The following SHPRH variants were observed in gnomAD, a reference collection of about 807,000 sequenced individuals.
SHPRH encodes SNF2 histone linker PHD RING helicase.
Under a neutral mutation model 202.5 loss-of-function variants are expected in SHPRH, and 106 were observed. The ratio of observed to expected loss-of-function variants is 0.52; its 90% CI spans 0.45 to 0.62. SHPRH has a LOEUF of 0.62. SHPRH is among the 20% of genes least tolerant of loss of function. SHPRH has a pLI of 0.00. For synonymous variants in SHPRH, 729 were observed against 686.0 expected, an observed-to-expected ratio of 1.06 and a Z score of -0.98; for missense variants, 1,710 against 2,020.0, an observed-to-expected ratio of 0.85 and a Z score of 2.94.
At position 145,929,296 on chromosome 6, in the gene SHPRH, C is replaced by T. The variant is rs532293191; in HGVS notation, c.3113-2019G>A. Reference sequence around the variant, plus strand: ...TTGATATTGTCAAGCTAATTTTCTCCGAAAATCATCTGCAGAAAACACAAT... The same window carrying T: ...TTGATATTGTCAAGCTAATTTTCTCTGAAAATCATCTGCAGAAAACACAAT... On this transcript the variant is annotated intron_variant, in intron 14 of 29. Transcript: ENST00000275233. 6.6e-5 allele frequency among the ~76,000 whole-genome samples: 10 copies of T among 151,758 alleles called. No homozygotes were observed. In the South Asian group the frequency reaches 1.2e-3, roughly 19 times the overall value.
chr6:145,901,562 A>G (rs1782508236), intron 25 of SHPRH, among the ~76,000 whole-genome samples: 1 of 152,154 alleles, frequency 6.6e-6, no homozygotes, highest in South Asian at 2.1e-4. Context: ...CAGTATGAAC[A>G]TTCTCAAGAC....
chr6:145,915,836 A>G (rs1362069641), intron 23 of SHPRH, among the ~76,000 whole-genome samples: 1 of 151,498 alleles, frequency 6.6e-6, no homozygotes, highest in African/African-American at 2.4e-5. Context: ...TATTCTGCTT[A>G]GTGTTTCTGA....
At chr6:145,954,620 A>C in intron 2 of SHPRH, 70 bp downstream of exon 2, 1 of 1,481,254 alleles carries the variant, frequency 6.8e-7, no homozygotes, top group East Asian at 2.3e-5. Flanking sequence ...GACTTCTCTC[A>C]CAAGTTAATT....
At chr6:145,940,378 C>A (rs1476357513) in intron 11 of SHPRH, among the ~76,000 whole-genome samples, 1 of 148,310 alleles carries the variant, frequency 6.7e-6, no homozygotes, top group East Asian at 2.0e-4. Context: ...CCACCCCCCC[C>A]ACCCTTTGTT....
rs1784717837 is a variant in SHPRH at position 145,924,741 on chromosome 6, T to C, written c.3400A>G (p.Lys1134Glu). The C allele has an allele frequency of 1.2e-6, 2 of 1,611,094 alleles. No homozygotes were observed. The highest frequency in any genetic ancestry group is 4.5e-5 in the East Asian group (2 of 44,802). ...AGAAACACTGCATTTTGGCATACCTTTCTTTGAAGCTCATGGATGGTCTGC... is the reference window on the plus strand; with the variant it reads ...AGAAACACTGCATTTTGGCATACCTCTCTTTGAAGCTCATGGATGGTCTGC... The part of the protein sequence containing the change: ...VQQTIHELQR[K>E]IHSNSPWWLN... The change falls in exon 17 of 30, where the codon AAG becomes GAG. Residue 1134 changes from lysine (K) to glutamate (E), a missense_variant and splice_region_variant. Coordinates refer to ENST00000275233, the MANE Select transcript of SHPRH (RefSeq NM_001042683.3).
intron 2 of SHPRH, among the ~76,000 whole-genome samples, chr6:145,876,388 G>C (rs529098554): frequency 8.5e-5 from 13 of 152,170 alleles, no homozygotes; most frequent in African/African-American, 3.1e-4. Context: ...AAAAAATAAA[G>C]ATTTGCCTAT....
rs1786807190 is a variant in SHPRH at position 145,941,788 on chromosome 6, C to T, written c.2325G>A (p.Leu775=). ...TATCGACATAATTTAATTCTGAACG[C>T]AGTACATCATAGGTAATGATAACTA... is the stretch of plus-strand genomic sequence containing the variant. ...QDIVIITYDV[L]RSELNYVDIP... The change falls in exon 10 of 30, where the codon CTG becomes CTA. Residue 775 remains leucine, a synonymous_variant. Transcript: ENST00000275233. The T allele has an allele frequency of 1.9e-6, 3 of 1,613,938 alleles. No homozygotes were observed. Among genetic ancestry groups the T allele is most frequent in the East Asian group, 4.5e-5 (2 of 44,864 alleles).
chr6:145,862,919 T>C (rs73576142), downstream of SHPRH, among the ~76,000 whole-genome samples: 357 of 152,348 alleles, frequency 2.3e-3, 1 homozygote, highest in African/African-American at 8.2e-3. Context: ...GCACGATGTA[T>C]TATTAGTCTT....
In SHPRH at chr6:145,955,221, G is replaced by T. The variant is rs1457779874; in HGVS notation, c.102C>A (p.Ile34=). The T allele has an allele frequency of 6.2e-7, 1 of 1,613,624 alleles. No homozygotes were observed. Among genetic ancestry groups the T allele is most frequent in the Non-Finnish European group, 8.5e-7 (1 of 1,179,922 alleles). Residue 34 remains isoleucine, a synonymous_variant, in exon 2 of 30, where the codon ATC becomes ATA. Transcript: ENST00000275233. Reference sequence around the variant, plus strand: ...GCTGCTCGTCATCATCACTTATGATGATAGGTTCATTCCTTCTGTCCTCAT... The same window carrying T: ...GCTGCTCGTCATCATCACTTATGATTATAGGTTCATTCCTTCTGTCCTCAT... ...NMHEDRRNEP[I]IISDDDEQPC...
In SHPRH at chr6:145,924,736, T is replaced by C. The variant is rs760073110; in HGVS notation, c.3402+3A>G. 1.1e-5 allele frequency: 18 copies of C among 1,610,660 alleles called. No homozygotes were observed. Among genetic ancestry groups the C allele is most frequent in the South Asian group, 7.7e-5 (7 of 90,882 alleles). Reference sequence around the variant, plus strand: ...AAGTAAGAAACACTGCATTTTGGCATACCTTTCTTTGAAGCTCATGGATGG... The same window carrying C: ...AAGTAAGAAACACTGCATTTTGGCACACCTTTCTTTGAAGCTCATGGATGG... On this transcript the variant is annotated splice_donor_region_variant and intron_variant, in intron 17 of 29. Transcript: ENST00000275233.
chr6:145,927,008 G>C (rs117910790), intron 15 of SHPRH, among the ~76,000 whole-genome samples, 181 bp downstream of exon 15: 1 of 151,938 alleles, frequency 6.6e-6, no homozygotes, highest in African/African-American at 2.4e-5. Flanking sequence ...TGGAATAGTA[G>C]TGATTCTCAA....
intron 26 of SHPRH, 99 bp from the exon 27 acceptor site, chr6:145,894,335 G>A: frequency 1.2e-6 from 1 of 835,342 alleles, no homozygotes; most frequent in Non-Finnish European, 1.7e-6. Context: ...TTATACTGGA[G>A]TTAAGAAAAT....
chr6:145,922,959 TAACAGCAACATTTGAGTGAG>T (rs1784554313), intron 18 of SHPRH, 123 bp from the exon 19 acceptor site: 5 of 1,134,444 alleles, frequency 4.4e-6, no homozygotes, highest in Non-Finnish European at 5.9e-6. Flanking sequence ...TTTTTTTTTT[TAACAGCAACATTTGAGTGAG>T]TTTTCCTTCA....
At chr6:145,907,065 T>C (rs1783028146) in intron 25 of SHPRH, 1 of 152,138 alleles carries the variant, frequency 6.6e-6, no homozygotes, top group African/African-American at 2.4e-5. Flanking sequence ...CTCCGAATTT[T>C]GTATCTCCAG....
chr6:145,942,481 G>T lies in SHPRH; in HGVS notation c.2239-607C>A, dbSNP rs571432208. ...GCTTCTTAACAGCAAAAATTGTTTT[G>T]CTTATTACAGTATTCTCCATGCCTA... On this transcript the variant is annotated intron_variant, in intron 9 of 29. Coordinates refer to ENST00000275233, the MANE Select transcript of SHPRH (RefSeq NM_001042683.3). Among the ~76,000 whole-genome samples the T allele has an allele frequency of 3.9e-5, 6 of 152,266 alleles. No homozygotes were observed. The East Asian group carries it at 9.6e-4, about 24-fold the overall frequency.
chr6:145,894,400 C>G (rs1450492396), intron 26 of SHPRH, among the ~76,000 whole-genome samples, 164 bp from the exon 27 acceptor site: 1 of 147,042 alleles, frequency 6.8e-6, no homozygotes, highest in Non-Finnish European at 1.5e-5. Context: ...TTAGCTCTAT[C>G]TGAAATAGTA....
intron 2 of SHPRH, among the ~76,000 whole-genome samples, chr6:145,865,778 C>G (rs1416276201): frequency 3.3e-5 from 5 of 152,242 alleles, no homozygotes; most frequent in African/African-American, 1.2e-4. Context: ...GTGAGAATTT[C>G]TAAACAAAGC....
At chr6:145,895,518 T>C (rs1326653900) in intron 25 of SHPRH, among the ~76,000 whole-genome samples, 1 of 148,870 alleles carries the variant, frequency 6.7e-6, no homozygotes, top group Non-Finnish European at 1.5e-5. Flanking sequence ...CATACAAAGC[T>C]AGACACTTAA....
chr6:145,907,197 C>G (rs575108069), intron 25 of SHPRH: 1 of 152,214 alleles, frequency 6.6e-6, no homozygotes, highest in South Asian at 2.1e-4. Context: ...CATTACCCAC[C>G]TGCTTATTCA....
Sources: allele counts gnomAD v4.1 joint callset (sites outside exome capture counted in the v4.1 genomes callset), GRCh38; gene constraint gnomAD v4.1.1; transcripts MANE v1.5; gene names NCBI Gene and HGNC (gene_info 2026-07-23, HGNC 2026-07-21).